MERTK: variants seen among roughly 807,000 people sequenced by gnomAD.
MERTK encodes the protein tyrosine-protein kinase Mer.
In MERTK, 69 loss-of-function variants were observed where a neutral mutation model predicts 99.3. That is an observed-to-expected ratio of 0.70 (90% CI 0.57 to 0.85). The LOEUF (loss-of-function observed/expected upper bound fraction) is 0.85. MERTK is among the 40% of genes least tolerant of loss of function. MERTK has a pLI of 0.00. For synonymous variants in MERTK, 426 were observed against 467.6 expected, an observed-to-expected ratio of 0.91 and a Z score of 1.15; for missense variants, 1,125 against 1,249.4, an observed-to-expected ratio of 0.90 and a Z score of 1.50.
intron 6 of MERTK, among the ~76,000 whole-genome samples, chr2:111,972,312 A>G (rs1017429283): frequency 5.9e-5 from 9 of 152,188 alleles, no homozygotes; most frequent in Non-Finnish European, 1.2e-4. Flanking sequence ...CTGTTACCAA[A>G]GTGCTGAGTT....
At chr2:111,900,561 G>C (rs1186512087) in intron 1 of MERTK, among the ~76,000 whole-genome samples, 1 of 152,168 alleles carries the variant, frequency 6.6e-6, no homozygotes, top group Admixed American at 6.5e-5. Context: ...AAAAATTGGA[G>C]TGCTTTTGTT....
In MERTK at chr2:112,010,080, T is replaced by G. The variant is rs201698442; in HGVS notation, c.2079+14T>G. ...ACAGGACCAAAGGTAATGATCTCCT[T>G]GTGTTACCCCTGAACACTTCTCAGG... On this transcript the variant is annotated intron_variant, in intron 15 of 18. Coordinates refer to ENST00000295408, the MANE Select transcript of MERTK (RefSeq NM_006343.3). 101 of 1,555,422 alleles carry G rather than the reference T, an allele frequency of 6.5e-5. No homozygotes were observed. Among genetic ancestry groups the G allele is most frequent in the Non-Finnish European group, 8.6e-5 (97 of 1,126,960 alleles).
At position 111,922,654 on chromosome 2, in the gene MERTK, C is replaced by G. The variant is rs553630882; in HGVS notation, c.62-6466C>G. Among the ~76,000 whole-genome samples, 15 of 152,292 alleles carry G rather than the reference C, an allele frequency of 9.8e-5. No homozygotes were observed. In the South Asian group the frequency reaches 3.1e-3, roughly 32 times the overall value. On this transcript the variant is annotated intron_variant, in intron 1 of 18. Coordinates refer to ENST00000295408, the MANE Select transcript of MERTK (RefSeq NM_006343.3). ...TATTTTTGGAGTGTGCTGGTGGACTCGATGCCTATCAGCTCCTACTGCTGA... is the reference window on the plus strand; with the variant it reads ...TATTTTTGGAGTGTGCTGGTGGACTGGATGCCTATCAGCTCCTACTGCTGA...
chr2:112,003,959 G>A lies in MERTK; in HGVS notation c.1842G>A (p.Leu614=), dbSNP rs1168042842. The change falls in exon 13 of 19, where the codon CTG becomes CTA. Residue 614 remains leucine, a synonymous_variant. Transcript: ENST00000295408. Reference sequence around the variant, plus strand: ...TTAAGCAGGAAGATGGGACCTCTCTGAAAGTGGCAGTGAAGACCATGAAGT... The same window carrying A: ...TTAAGCAGGAAGATGGGACCTCTCTAAAAGTGGCAGTGAAGACCATGAAGT... ...GNLKQEDGTS[L]KVAVKTMKLD... 1 of 1,613,608 alleles carries A rather than the reference G, an allele frequency of 6.2e-7. No homozygotes were observed.
rs549777593 is a variant in MERTK, at chr2:111,938,145, C to T, written c.483-6815C>T. On this transcript the variant is annotated intron_variant, in intron 2 of 18. Coordinates refer to ENST00000295408, the MANE Select transcript of MERTK (RefSeq NM_006343.3). Reference sequence around the variant, plus strand: ...AGGCTGGAGCGCAGTGGTGCGATCACGGCTTATTGCAGCCTCGACCTCCCA... The same window carrying T: ...AGGCTGGAGCGCAGTGGTGCGATCATGGCTTATTGCAGCCTCGACCTCCCA... 5.9e-5 allele frequency among the ~76,000 whole-genome samples: 9 copies of T among 152,214 alleles called. No individual in the cohort carries two copies. The East Asian group carries it at 1.4e-3, about 23-fold the overall frequency.
At chr2:112,025,285 A>T (rs971231729) in intron 18 of MERTK, among the ~76,000 whole-genome samples, 1 of 152,156 alleles carries the variant, frequency 6.6e-6, no homozygotes, top group African/African-American at 2.4e-5. Flanking sequence ...TTGAAGCTGC[A>T]GTTGCGTGGA....
At chr2:111,938,868 G>A (rs1684811456) in intron 2 of MERTK, among the ~76,000 whole-genome samples, 1 of 152,118 alleles carries the variant, frequency 6.6e-6, no homozygotes, top group Admixed American at 6.5e-5. Context: ...CAATCCCTAT[G>A]TAATCCTATG....
At chr2:111,941,028 T>C (rs950813057) in intron 2 of MERTK, 6 of 538,338 alleles carry the variant, frequency 1.1e-5, no homozygotes, top group South Asian at 5.0e-5. Context: ...TCAGCTTTCA[T>C]TGGAACATGC....
chr2:111,988,244 A>G (rs1676528784), intron 8 of MERTK, among the ~76,000 whole-genome samples: 1 of 152,102 alleles, frequency 6.6e-6, no homozygotes, highest in South Asian at 2.1e-4. Flanking sequence ...CTCACTGTCA[A>G]AGGAGAGCAG....
chr2:111,982,764 A>AACCAAT, intron 7 of MERTK, 78 bp from the exon 8 acceptor site: 1 of 1,534,140 alleles, frequency 6.5e-7, no homozygotes, highest in South Asian at 1.1e-5. Flanking sequence ...TGAAAACCAA[A>AACCAAT]CACTTGAAAA....
intron 15 of MERTK, among the ~76,000 whole-genome samples, chr2:112,010,798 G>A (rs1677083508): frequency 6.6e-6 from 1 of 152,144 alleles, no homozygotes; most frequent in Non-Finnish European, 1.5e-5. Flanking sequence ...GGTAGACTGC[G>A]AGCAGGCGGT....
Position 112,029,264 on chromosome 2 carries a change from C to A in MERTK, c.*400C>A. ...AAATGAAATGCCATATTTGACTTGG[C>A]TTCTGGTCTTGATGTATTTGATAAG... On this transcript the variant is annotated 3_prime_UTR_variant, in exon 19 of 19. Transcript: ENST00000295408. 16 of 979,900 alleles carry A rather than the reference C, an allele frequency of 1.6e-5. No homozygotes were observed. Among genetic ancestry groups the A allele is most frequent in the Non-Finnish European group, 2.0e-5 (16 of 819,384 alleles). The allele number at this position is 979,900 out of a possible 1,614,324, so 60.7% of individuals were successfully genotyped here.
intron 2 of MERTK, among the ~76,000 whole-genome samples, chr2:111,934,881 G>T (rs1473679909): frequency 6.6e-6 from 1 of 152,130 alleles, no homozygotes. Flanking sequence ...AGAAGGGAAA[G>T]CATCTGGTCT....
rs1179836589 is a variant in MERTK at position 111,929,388 on chromosome 2, T to C, written c.330T>C (p.Gly110=). The C allele has an allele frequency of 6.2e-7, 1 of 1,614,032 alleles. No homozygotes were observed. Among genetic ancestry groups the C allele is most frequent in the South Asian group, 1.1e-5 (1 of 91,056 alleles). ...ACATAATACTTTCTGAACATAAAGG[T>C]GTCAAATTTAATTGCTCAATCAGTG... ...VGHIILSEHK[G]VKFNCSISVP... Residue 110 remains glycine (G), a synonymous_variant, in exon 2 of 19, where the codon GGT becomes GGC. Coordinates refer to ENST00000295408, the MANE Select transcript of MERTK (RefSeq NM_006343.3).
intron 1 of MERTK, among the ~76,000 whole-genome samples, chr2:111,902,792 C>T (rs372595249): frequency 7.4e-5 from 1 of 13,426 alleles, no homozygotes; most frequent in Non-Finnish European, 3.4e-4. Flanking sequence ...CTTCCTTCCT[C>T]CCTCCCTCCC....
chr2:111,985,857 T>C (rs1454457026), intron 8 of MERTK, among the ~76,000 whole-genome samples: 2 of 152,092 alleles, frequency 1.3e-5, no homozygotes, highest in East Asian at 3.9e-4. Flanking sequence ...AACCATATAA[T>C]AGATCCAAAT....
At chr2:111,969,013 C>T (rs556063258) in intron 6 of MERTK, among the ~76,000 whole-genome samples, 1 of 152,296 alleles carries the variant, frequency 6.6e-6, no homozygotes, top group South Asian at 2.1e-4. Flanking sequence ...CCGGGGGATC[C>T]TGGTCATTGC....
At chr2:111,937,035 GTATT>G (rs1359207568) in intron 2 of MERTK, among the ~76,000 whole-genome samples, 1 of 152,106 alleles carries the variant, frequency 6.6e-6, no homozygotes, top group East Asian at 1.9e-4. Context: ...TGAGGGGAAA[GTATT>G]TGTTGTTTTC....
chr2:111,924,453 G>A (rs983635686), intron 1 of MERTK, among the ~76,000 whole-genome samples: 5 of 152,176 alleles, frequency 3.3e-5, no homozygotes, highest in African/African-American at 1.2e-4. Flanking sequence ...TGAGGATGCT[G>A]TTGCTGTCAG....
Sources: gnomAD v4.1 joint callset for allele counts (sites outside exome capture counted in the v4.1 genomes callset) on GRCh38, gnomAD v4.1.1 for gene constraint, MANE v1.5 for transcripts, NCBI Gene and HGNC (gene_info 2026-07-23, HGNC 2026-07-21) for gene names.